SNTB1: variants seen among roughly 807,000 people sequenced by gnomAD.
SNTB1 encodes the protein syntrophin beta 1.
Under a neutral mutation model 48.9 loss-of-function variants are expected in SNTB1, and 36 were observed. The ratio of observed to expected loss-of-function variants is 0.74; its 90% CI spans 0.56 to 0.97. The LOEUF (loss-of-function observed/expected upper bound fraction) is 0.97, where lower values mean the gene tolerates loss of function less well. Among genes scored for constraint, SNTB1 ranks in the 50% least tolerant of loss-of-function variants. The pLI, the probability that SNTB1 is intolerant of heterozygous loss-of-function variation, is 0.00. For missense variants in SNTB1, 786 were observed against 703.4 expected (o/e 1.12, Z -1.33); for synonymous variants, 299 against 294.6 (o/e 1.01, Z -0.15).
chr8:120,703,581 G>C (rs987935320), intron 1 of SNTB1, among the ~76,000 whole-genome samples: 11 of 152,194 alleles, frequency 7.2e-5, no homozygotes, highest in African/African-American at 2.7e-4. Flanking sequence ...CTGTAAAATG[G>C]AGGTAGGCAA....
intron 4 of SNTB1, among the ~76,000 whole-genome samples, chr8:120,574,821 A>G (rs1815924443): frequency 6.6e-6 from 1 of 152,178 alleles, no homozygotes; most frequent in Non-Finnish European, 1.5e-5. Context: ...GAGACCCAGG[A>G]AGGCGGCTAG....
At chr8:120,788,708 A>G (rs1303616849) in intron 1 of SNTB1, among the ~76,000 whole-genome samples, 3 of 151,952 alleles carry the variant, frequency 2.0e-5, no homozygotes, top group Non-Finnish European at 2.9e-5. Flanking sequence ...CTAAATACAT[A>G]TGCAACTAAC....
At chr8:120,668,108 T>A (rs909010351) in intron 2 of SNTB1, among the ~76,000 whole-genome samples, 1 of 152,032 alleles carries the variant, frequency 6.6e-6, no homozygotes, top group Non-Finnish European at 1.5e-5. Context: ...GTTCTCTCCT[T>A]ACTGGTATCT....
At chr8:120,779,226 T>C (rs116497632) in intron 1 of SNTB1, among the ~76,000 whole-genome samples, 6,652 of 152,282 alleles carry the variant, frequency 0.044, 498 homozygotes, top group African/African-American at 0.15. Context: ...ACTGTAAGGC[T>C]GGGCGTGGTG....
chr8:120,753,043 T>C (rs1372128936), intron 1 of SNTB1, among the ~76,000 whole-genome samples: 3 of 150,372 alleles, frequency 2.0e-5, no homozygotes, highest in Non-Finnish European at 1.5e-5. Context: ...CAATATGTGC[T>C]CCTTTCCAAG....
chr8:120,788,582 T>C (rs1377854945), intron 1 of SNTB1, among the ~76,000 whole-genome samples: 1 of 152,066 alleles, frequency 6.6e-6, no homozygotes, highest in Non-Finnish European at 1.5e-5. Flanking sequence ...CAAGCAGTAG[T>C]AACAATTCTT....
intron 1 of SNTB1, among the ~76,000 whole-genome samples, chr8:120,775,739 G>GAAGA (rs1328288954): frequency 6.7e-6 from 1 of 150,014 alleles, no homozygotes; most frequent in Non-Finnish European, 1.5e-5. Flanking sequence ...AGGAAGGAAG[G>GAAGA]AAGGAAGGAA....
Position 120,569,182 on chromosome 8 carries a change from T to C in SNTB1, c.1136+5904A>G, listed in dbSNP as rs1003222880. 2.0e-5 allele frequency among the ~76,000 whole-genome samples: 3 copies of C among 152,160 alleles called. No individual in the cohort carries two copies. In the East Asian group the frequency reaches 5.8e-4, roughly 29 times the overall value. The stretch of plus-strand genomic sequence containing the variant: ...TTTTAGTAGAGACGGGGTTTCACCA[T>C]GTTGGCCAGCTGGCCTCGAACCCCT... On this transcript the variant is annotated intron_variant, in intron 4 of 6. Coordinates refer to ENST00000517992, the MANE Select transcript of SNTB1 (RefSeq NM_021021.4).
intron 3 of SNTB1, among the ~76,000 whole-genome samples, chr8:120,614,524 G>T (rs934524601): frequency 2.0e-5 from 3 of 152,204 alleles, no homozygotes; most frequent in African/African-American, 4.8e-5. Context: ...GCTCTGGCCT[G>T]CCAGCTCTTG....
chr8:120,680,060 C>A (rs1817904372), intron 2 of SNTB1, among the ~76,000 whole-genome samples: 1 of 152,174 alleles, frequency 6.6e-6, no homozygotes. Flanking sequence ...CTATCTCAAC[C>A]TTTGACCTGG....
intron 2 of SNTB1, among the ~76,000 whole-genome samples, chr8:120,646,869 C>CTTGGGAG (rs1817306339): frequency 1.3e-5 from 2 of 151,968 alleles, no homozygotes; most frequent in Non-Finnish European, 2.9e-5. Context: ...TTCAGAGATT[C>CTTGGGAG]AACTTCTTCC....
Position 120,693,904 on chromosome 8 carries a change from C to T in SNTB1, c.576G>A (p.Lys192=). Residue 192 remains lysine, a synonymous_variant, in exon 2 of 7, where the codon AAG becomes AAA. Transcript: ENST00000517992. Reference sequence around the variant, plus strand: ...CATAGGGCGTGGCTTCTCGCATGTACTTCACTGCAAGGAAAAAGACAACAA... The same window carrying T: ...CATAGGGCGTGGCTTCTCGCATGTATTTCACTGCAAGGAAAAAGACAACAA... ...RAGKEVLLEV[K]YMREATPYVK... 6.2e-7 allele frequency: 1 copy of T among 1,613,102 alleles called. No homozygotes were observed. Among genetic ancestry groups the T allele is most frequent in the Non-Finnish European group, 8.5e-7 (1 of 1,179,206 alleles).
chr8:120,622,212 C>T (rs1265885145), intron 3 of SNTB1, among the ~76,000 whole-genome samples: 1 of 152,188 alleles, frequency 6.6e-6, no homozygotes, highest in Admixed American at 6.5e-5. Context: ...TGCTTGGCCT[C>T]TCCAGCTCCG....
intron 4 of SNTB1, among the ~76,000 whole-genome samples, chr8:120,565,231 C>G (rs541037735): frequency 6.6e-6 from 1 of 151,878 alleles, no homozygotes; most frequent in African/African-American, 2.4e-5. Flanking sequence ...TTTATAAACC[C>G]GAAAATAGAA....
At chr8:120,553,718 G>A (rs143012813) in intron 4 of SNTB1, among the ~76,000 whole-genome samples, 1 of 152,192 alleles carries the variant, frequency 6.6e-6, no homozygotes, top group Admixed American at 6.5e-5. Flanking sequence ...TCTCTAAGAG[G>A]CTGGACAGGG....
At chr8:120,773,922 T>C (rs534493151) in intron 1 of SNTB1, among the ~76,000 whole-genome samples, 5 of 152,228 alleles carry the variant, frequency 3.3e-5, no homozygotes, top group Non-Finnish European at 5.9e-5. Context: ...CAATTTTCTA[T>C]GTAAAATTTG....
intron 4 of SNTB1, among the ~76,000 whole-genome samples, chr8:120,552,065 T>C (rs760417281): frequency 6.6e-6 from 1 of 152,134 alleles, no homozygotes; most frequent in Non-Finnish European, 1.5e-5. Context: ...AGCATAAATA[T>C]ATTGTAGAGG....
intron 2 of SNTB1, among the ~76,000 whole-genome samples, chr8:120,673,201 A>G (rs151217719): frequency 1.1e-3 from 160 of 152,094 alleles, no homozygotes; most frequent in African/African-American, 3.6e-3. Context: ...CAGTGAACCA[A>G]TTGCCTGCAT....
chr8:120,565,133 T>A (rs1228984289), intron 4 of SNTB1, among the ~76,000 whole-genome samples: 1 of 152,162 alleles, frequency 6.6e-6, no homozygotes, highest in Non-Finnish European at 1.5e-5. Flanking sequence ...AGTTTTTTTT[T>A]AGCAGGTGGT....
Sources: allele counts gnomAD v4.1 joint callset (sites outside exome capture counted in the v4.1 genomes callset), GRCh38; gene constraint gnomAD v4.1.1; transcripts MANE v1.5; gene names NCBI Gene and HGNC (gene_info 2026-07-23, HGNC 2026-07-21).